Variants in SLC45A1 observed in about 807,000 individuals in gnomAD.
SLC45A1 encodes the protein proton-associated sugar transporter A.
Under a neutral mutation model 57.6 loss-of-function variants are expected in SLC45A1, and 28 were observed. The ratio of observed to expected loss-of-function variants is 0.49; its 90% confidence interval spans 0.36 to 0.67. The LOEUF (loss-of-function observed/expected upper bound fraction) is 0.67. SLC45A1 is among the 30% of genes least tolerant of loss of function. The pLI, the probability that SLC45A1 is intolerant of heterozygous loss-of-function variation, is 0.00. For synonymous variants in SLC45A1, 459 were observed against 471.5 expected, an observed-to-expected ratio of 0.97 and a Z score of 0.34; for missense variants, 814 against 1,041.5, an observed-to-expected ratio of 0.78 and a Z score of 3.01.
chr1:8,339,766 CA>C, intron 8 of SLC45A1, 68 bp downstream of exon 8: 1 of 1,397,638 alleles, frequency 7.2e-7, no homozygotes, highest in South Asian at 1.2e-5. Flanking sequence ...AACTGTCCCC[CA>C]GGACCAGCTG....
At position 8,326,346 on chromosome 1, in the gene SLC45A1, C is replaced by T. The variant is rs1640203432; in HGVS notation, c.715+304C>T. 1.3e-5 allele frequency among the ~76,000 whole-genome samples: 2 copies of T among 152,142 alleles called. No individual in the cohort carries two copies. Among genetic ancestry groups the T allele is most frequent in the African/African-American group, 2.4e-5 (1 of 41,432 alleles). Reference sequence around the variant, plus strand: ...CCACAAACACTGAATTAGCAAACACCGCATCTCGCTCCTAGGAAAAATACA... The same window carrying T: ...CCACAAACACTGAATTAGCAAACACTGCATCTCGCTCCTAGGAAAAATACA... On this transcript the variant is annotated intron_variant, in intron 4 of 8. Transcript: ENST00000471889. The surrounding 1 kb of genome is among the most constrained non-coding windows in gnomAD (Gnocchi z 5.5).
rs1449166614 is a variant in SLC45A1, at chr1:8,330,807, C to T, written c.1314C>T (p.Gly438=). The change falls in exon 5 of 9, where the codon GGC becomes GGT. Residue 438 remains glycine (G), a synonymous_variant. Coordinates refer to ENST00000471889, the MANE Select transcript of SLC45A1 (RefSeq NM_001080397.3). The surrounding 1 kb of genome is among the most constrained non-coding windows in gnomAD (Gnocchi z 8.4). ...GTGACGGGGACATTCTGAGGGTGGG[C>T]TCCTTGGACACCTCTAAGCCGAGGT... ...SGCDGDILRV[G]SLDTSKPRSS... The T allele has an allele frequency of 6.2e-7, 1 of 1,613,522 alleles. No homozygotes were observed. Among genetic ancestry groups the T allele is most frequent in the Admixed American group, 1.7e-5 (1 of 60,038 alleles).
chr1:8,336,644 C>A (rs920966116), intron 6 of SLC45A1, among the ~76,000 whole-genome samples: 16 of 152,054 alleles, frequency 1.1e-4, no homozygotes, highest in Non-Finnish European at 1.5e-4. Flanking sequence ...CCACAGACTG[C>A]GATTGGGGGA....
intron 2 of SLC45A1, 67 bp downstream of exon 2, chr1:8,324,793 C>T: frequency 1.5e-6 from 2 of 1,361,204 alleles, no homozygotes; most frequent in Admixed American, 2.6e-5. Flanking sequence ...ATCGCAGTAG[C>T]CTGAGGGTCC....
In SLC45A1 at chr1:8,322,332, A is replaced by G. The variant is rs191553690; in HGVS notation, c.-24-1974A>G. ...GATGGATGGATGGATGGATGGATGG[A>G]TGGATGGATGCATGGATGGATGGAT... On this transcript the variant is annotated intron_variant, in intron 1 of 8. Transcript: ENST00000471889. 2.9e-3 allele frequency among the ~76,000 whole-genome samples: 33 copies of G among 11,432 alleles called. 13 individuals carry two copies. The highest frequency in any genetic ancestry group is 9.6e-3 in the African/African-American group (11 of 1,144). The allele number at this position is 11,432 out of a possible 152,430, so 7.5% of individuals were successfully genotyped here. A position where few individuals can be genotyped will look rare whatever the true frequency, so the allele number is the denominator to read the frequency against.
Position 8,327,742 on chromosome 1 carries a change from C to G in SLC45A1, c.715+1700C>G, listed in dbSNP as rs1640245695. Among the ~76,000 whole-genome samples the G allele has an allele frequency of 6.6e-6, 1 of 152,098 alleles. No individual in the cohort carries two copies. Among genetic ancestry groups the G allele is most frequent in the Non-Finnish European group, 1.5e-5 (1 of 67,998 alleles). On this transcript the variant is annotated intron_variant, in intron 4 of 8. Coordinates refer to ENST00000471889, the MANE Select transcript of SLC45A1 (RefSeq NM_001080397.3). The surrounding 1 kb of genome is among the most constrained non-coding windows in gnomAD (Gnocchi z 4.3). ...AAGAAAAAAATTCCATTTAAAATAGCAACTGGGGCTGGGCGTGGTGGCTCA... is the reference window on the plus strand; with the variant it reads ...AAGAAAAAAATTCCATTTAAAATAGGAACTGGGGCTGGGCGTGGTGGCTCA...
chr1:8,337,756 G>C lies in SLC45A1; in HGVS notation c.1598-60G>C, dbSNP rs1463432022. The C allele has an allele frequency of 1.8e-5, 27 of 1,499,094 alleles. No individual in the cohort carries two copies. The Admixed American group carries it at 5.1e-4, about 29-fold the overall frequency. 92.9% of individuals were successfully genotyped at this position (1,499,094 alleles called of 1,614,324 possible). A position where few individuals can be genotyped will look rare whatever the true frequency, so the allele number is the denominator to read the frequency against. ...ATAACCAGTAGACGCATGTTGGTTA[G>C]AGAAAGGGCAGAGTGTTGGCCTTTG... On this transcript the variant is annotated intron_variant, in intron 6 of 8. Transcript: ENST00000471889.
chr1:8,342,758 G>A (rs918812204), intron 8 of SLC45A1, among the ~76,000 whole-genome samples: 1 of 151,808 alleles, frequency 6.6e-6, no homozygotes, highest in Non-Finnish European at 1.5e-5. Flanking sequence ...AATTAGCCAG[G>A]TGTGGTGGCA....
chr1:8,330,066 T>C lies in SLC45A1; in HGVS notation c.716-143T>C. ...CCGCCCTGGGAATCCTGTCCCATTTTGTTGGGGTTTAGGTGGAACAGGTTC... is the reference window on the plus strand; with the variant it reads ...CCGCCCTGGGAATCCTGTCCCATTTCGTTGGGGTTTAGGTGGAACAGGTTC... On this transcript the variant is annotated intron_variant, in intron 4 of 8. Transcript: ENST00000471889. The surrounding 1 kb of genome is among the most constrained non-coding windows in gnomAD (Gnocchi z 8.4). 5 of 1,036,972 alleles carry C rather than the reference T, an allele frequency of 4.8e-6. No homozygotes were observed. Among genetic ancestry groups the C allele is most frequent in the Non-Finnish European group, 7.0e-6 (5 of 709,554 alleles). 64.2% of individuals were successfully genotyped at this position (1,036,972 alleles called of 1,614,324 possible). A position where few individuals can be genotyped will look rare whatever the true frequency, so the allele number is the denominator to read the frequency against.
intron 5 of SLC45A1, among the ~76,000 whole-genome samples, chr1:8,333,070 T>C (rs1021399947): frequency 2.6e-5 from 4 of 152,052 alleles, no homozygotes; most frequent in African/African-American, 7.2e-5. Context: ...CTGAATGAAG[T>C]AGACCCTGCT....
chr1:8,335,472 G>C lies in SLC45A1; in HGVS notation c.1479G>C (p.Glu493Asp), dbSNP rs771920541. 7 of 1,599,918 alleles carry C rather than the reference G, an allele frequency of 4.4e-6. No individual in the cohort carries two copies. Among genetic ancestry groups the C allele is most frequent in the Admixed American group, 3.3e-5 (2 of 59,768 alleles). The change falls in exon 6 of 9, where the codon GAG (glutamate) becomes GAC (aspartate). Residue 493 changes from glutamate (E) to aspartate (D), a missense_variant. Transcript: ENST00000471889. This position sits in a 1 kb window ranked among gnomAD's most constrained non-coding sequence, Gnocchi z 4.1. ...ANILLNGVKY[E>D]SELTGSSERA... ...TCCTGCTCAACGGCGTGAAGTATGA[G>C]AGCGAGCTGACGGGCTCCAGCGAGC... is the stretch of plus-strand genomic sequence containing the variant.
At chr1:8,333,793 G>A (rs1640501653) in intron 5 of SLC45A1, among the ~76,000 whole-genome samples, 1 of 152,218 alleles carries the variant, frequency 6.6e-6, no homozygotes, top group South Asian at 2.1e-4. Flanking sequence ...TCTGGTGTGT[G>A]TGGCCGGGGT....
rs372023133 is a variant in SLC45A1, at chr1:8,324,339, G to A, written c.10G>A (p.Ala4Thr). The A allele has an allele frequency of 1.7e-5, 28 of 1,611,828 alleles. No individual in the cohort carries two copies. Among genetic ancestry groups the A allele is most frequent in the South Asian group, 3.3e-5 (3 of 91,016 alleles). MIP[A>T]ASSTPPGDAL... Reference sequence around the variant, plus strand: ...ACCAGCCCTCCCCACGATGATCCCCGCAGCCAGCAGCACCCCGCCGGGAGA... The same window carrying A: ...ACCAGCCCTCCCCACGATGATCCCCACAGCCAGCAGCACCCCGCCGGGAGA... Residue 4 changes from alanine to threonine, a missense_variant, in exon 2 of 9, where the codon GCA becomes ACA. Coordinates refer to ENST00000471889, the MANE Select transcript of SLC45A1 (RefSeq NM_001080397.3).
intron 8 of SLC45A1, among the ~76,000 whole-genome samples, chr1:8,341,201 A>AAAAAAAAGATAGTAATACTTTG (rs1640800062): frequency 7.4e-6 from 1 of 135,956 alleles, no homozygotes; most frequent in South Asian, 2.2e-4. Flanking sequence ...CTCCGTTTCA[A>AAAAAAAAGATAGTAATACTTTG]AAAAAAAAAA....
chr1:8,324,761 T>C, intron 2 of SLC45A1, 35 bp downstream of exon 2: 1 of 1,526,500 alleles, frequency 6.6e-7, no homozygotes, highest in Non-Finnish European at 8.8e-7. Flanking sequence ...GTGGAGGGCC[T>C]CTGGAAGCCT....
rs1240427972 is a variant in SLC45A1 at position 8,344,064 on chromosome 1, C to T, written c.*51C>T. 2 of 1,545,780 alleles carry T rather than the reference C, an allele frequency of 1.3e-6. No individual in the cohort carries two copies. Among genetic ancestry groups the T allele is most frequent in the Admixed American group, 3.7e-5 (2 of 54,160 alleles). ...CGCGCCTGCACCTGGGGGTCTGGAG[C>T]AGGCCGACCAGTGAGGACCAAAGGG... On this transcript the variant is annotated 3_prime_UTR_variant, in exon 9 of 9. Transcript: ENST00000471889.
chr1:8,321,910 G>GTAC (rs1640018378), intron 1 of SLC45A1, among the ~76,000 whole-genome samples: 1 of 145,424 alleles, frequency 6.9e-6, no homozygotes, highest in African/African-American at 2.5e-5. Context: ...TGGGTGGATG[G>GTAC]ATGGATGGAT....
At chr1:8,334,128 G>A (rs1640520759) in intron 5 of SLC45A1, among the ~76,000 whole-genome samples, 1 of 152,228 alleles carries the variant, frequency 6.6e-6, no homozygotes, top group African/African-American at 2.4e-5. Context: ...GGTTGTTTAG[G>A]TGTGGTTGAA....
rs137886923 is a variant in SLC45A1, at chr1:8,339,555, G to A, written c.1837G>A (p.Ala613Thr). 139 of 1,614,094 alleles carry A rather than the reference G, an allele frequency of 8.6e-5. No homozygotes were observed. Among genetic ancestry groups the A allele is most frequent in the South Asian group, 1.8e-4 (16 of 91,084 alleles). The change falls in exon 8 of 9, where the codon GCC (alanine) becomes ACC (threonine). Residue 613 changes from alanine to threonine, a missense_variant. Ala to Thr is a moderately conservative substitution (Grantham distance 58). Transcript: ENST00000471889. Reference protein sequence around the residue: ...VRTLYFIAYLAFGLGTGLATL... With the variant: ...VRTLYFIAYLTFGLGTGLATL... ...CACCCTCTACTTCATCGCCTATCTC[G>A]CCTTCGGCCTGGGGACCGGGCTTGC...
Sources: gnomAD v4.1 joint callset for allele counts (sites outside exome capture counted in the v4.1 genomes callset) on GRCh38, gnomAD v4.1.1 for gene constraint, Gnocchi (gnomAD v3.1) non-coding constraint, MANE v1.5 for transcripts, NCBI Gene and HGNC (gene_info 2026-07-23, HGNC 2026-07-21) for gene names.